CDH13: variants seen among roughly 807,000 people sequenced by gnomAD.
CDH13 encodes cadherin-13.
In CDH13, 24 loss-of-function variants were observed where a neutral mutation model predicts 63.8. That is an observed-to-expected ratio of 0.38 (90% confidence interval 0.27 to 0.53). The LOEUF (loss-of-function observed/expected upper bound fraction) is 0.53, where lower values mean the gene tolerates loss of function less well. Ranked by LOEUF, CDH13 falls within the 20% of genes least tolerant of loss-of-function variation. CDH13 has a pLI of 0.85. For missense variants in CDH13, 1,049 were observed against 903.1 expected, an observed-to-expected ratio of 1.16 and a Z score of -2.07; for synonymous variants, 503 against 355.3, an observed-to-expected ratio of 1.42 and a Z score of -4.67.
chr16:82,637,500 G>A (rs1030567132), intron 1 of CDH13: 2 of 145,918 alleles, frequency 1.4e-5, no homozygotes, highest in African/African-American at 5.1e-5. Context: ...GCGCGATCTC[G>A]GCTCACTGCA....
rs114784290 is a variant in CDH13, at chr16:82,681,696, C to T, written c.45+54559C>T. Among the ~76,000 whole-genome samples, 412 of 152,334 alleles carry T rather than the reference C, an allele frequency of 2.7e-3. 1 individual carries two copies. The highest frequency in any genetic ancestry group is 0.01 in the Middle Eastern group (3 of 294). ...TGCCAGCTCAGCTTCCAGTAGCCAG[C>T]GCCTGCCTGTGTTTCTCTGCCTGAG... On this transcript the variant is annotated intron_variant, in intron 1 of 13. Transcript: ENST00000567109.
chr16:83,684,874 G>T (rs895735418), intron 10 of CDH13, among the ~76,000 whole-genome samples: 1 of 152,120 alleles, frequency 6.6e-6, no homozygotes, highest in African/African-American at 2.4e-5. Context: ...CAGAGCAGAC[G>T]GAAGTTGATT....
At chr16:83,014,419 A>G (rs1914477777) in intron 2 of CDH13, among the ~76,000 whole-genome samples, 1 of 151,310 alleles carries the variant, frequency 6.6e-6, no homozygotes, top group South Asian at 2.1e-4. Context: ...CTACTTAAAT[A>G]TATGTATAAA....
chr16:83,347,398 G>T (rs971994109), intron 6 of CDH13, among the ~76,000 whole-genome samples: 9 of 152,002 alleles, frequency 5.9e-5, no homozygotes, highest in Admixed American at 5.9e-4. Context: ...GGCTGACTCT[G>T]GAAAGAGTTC....
intron 2 of CDH13, among the ~76,000 whole-genome samples, chr16:82,869,737 G>A (rs1035187559): frequency 6.6e-6 from 1 of 152,146 alleles, no homozygotes; most frequent in African/African-American, 2.4e-5. Context: ...GGAAAGGACA[G>A]TCTTTTCAAT....
At chr16:83,224,182 C>T (rs1025158790) in intron 5 of CDH13, among the ~76,000 whole-genome samples, 84 of 152,334 alleles carry the variant, frequency 5.5e-4, no homozygotes, top group African/African-American at 2.0e-3. Context: ...CTCCTTTTGA[C>T]GGCTGAGTAC....
intron 1 of CDH13, among the ~76,000 whole-genome samples, chr16:82,676,843 T>C (rs1270688891): frequency 6.6e-6 from 1 of 151,462 alleles, no homozygotes; most frequent in East Asian, 1.9e-4. Context: ...CAAAGGTATT[T>C]ACACAGTTTT....
intron 5 of CDH13, among the ~76,000 whole-genome samples, chr16:83,340,085 C>G (rs1457125229): frequency 6.6e-6 from 1 of 152,166 alleles, no homozygotes; most frequent in Admixed American, 6.5e-5. Context: ...TTGTTTTCTG[C>G]AATGTTTCAC....
intron 5 of CDH13, among the ~76,000 whole-genome samples, chr16:83,246,988 G>A (rs1314133105): frequency 2.0e-5 from 3 of 152,194 alleles, no homozygotes; most frequent in South Asian, 2.1e-4. Flanking sequence ...TTCAGCATCC[G>A]GGGTAGATGC....
chr16:83,619,604 C>T (rs915175241), intron 8 of CDH13, among the ~76,000 whole-genome samples: 11 of 152,220 alleles, frequency 7.2e-5, no homozygotes, highest in Non-Finnish European at 1.5e-4. Flanking sequence ...AACCTTTGTG[C>T]TCCTGGGCTT....
At chr16:82,921,961 A>G (rs1465588543) in intron 2 of CDH13, among the ~76,000 whole-genome samples, 4 of 152,126 alleles carry the variant, frequency 2.6e-5, no homozygotes, top group Non-Finnish European at 5.9e-5. Flanking sequence ...TCTGCTATTA[A>G]GATTTTTAAT....
chr16:82,865,780 C>T (rs72807851), intron 2 of CDH13, among the ~76,000 whole-genome samples: 18,543 of 152,266 alleles, frequency 0.12, 1,180 homozygotes, highest in Admixed American at 0.19. Context: ...ATTTCTGTAG[C>T]TGGCTTGAAT....
intron 7 of CDH13, among the ~76,000 whole-genome samples, chr16:83,531,012 C>T (rs960378683): frequency 1.3e-5 from 2 of 152,200 alleles, no homozygotes; most frequent in East Asian, 1.9e-4. Flanking sequence ...AGGGGGAATG[C>T]TGGCAGTGTG....
At chr16:82,729,361 C>A (rs1323788210) in intron 1 of CDH13, among the ~76,000 whole-genome samples, 1 of 152,164 alleles carries the variant, frequency 6.6e-6, no homozygotes, top group Non-Finnish European at 1.5e-5. Flanking sequence ...GTTGAAGTCA[C>A]TTCTAGATCC....
At chr16:83,150,731 C>G (rs139032111) in intron 4 of CDH13, among the ~76,000 whole-genome samples, 13 of 152,262 alleles carry the variant, frequency 8.5e-5, no homozygotes, top group African/African-American at 2.9e-4. Context: ...GACAAAAGTT[C>G]CCATTTCTGT....
At chr16:83,507,129 C>T (rs2074416766) in intron 7 of CDH13, among the ~76,000 whole-genome samples, 1 of 152,214 alleles carries the variant, frequency 6.6e-6, no homozygotes, top group South Asian at 2.1e-4. Context: ...AGCAGCCCCT[C>T]CTCTGTGGAC....
intron 6 of CDH13, among the ~76,000 whole-genome samples, chr16:83,451,228 T>A (rs573493335): frequency 6.6e-6 from 1 of 152,264 alleles, no homozygotes; most frequent in African/African-American, 2.4e-5. Context: ...GACTCACAGT[T>A]CCACATGGCT....
chr16:83,334,718 A>G (rs2090555515), intron 5 of CDH13, among the ~76,000 whole-genome samples: 1 of 152,030 alleles, frequency 6.6e-6, no homozygotes, highest in South Asian at 2.1e-4. Flanking sequence ...CCTTAATTCC[A>G]TTGGCAACCT....
intron 6 of CDH13, among the ~76,000 whole-genome samples, chr16:83,413,608 G>A (rs1236105514): frequency 6.6e-6 from 1 of 152,192 alleles, no homozygotes; most frequent in Non-Finnish European, 1.5e-5. Flanking sequence ...AAGAGAAATA[G>A]TGTCCTAATC....
Sources: gnomAD v4.1 joint callset for allele counts (sites outside exome capture counted in the v4.1 genomes callset) on GRCh38, gnomAD v4.1.1 for gene constraint, MANE v1.5 for transcripts, NCBI Gene and HGNC (gene_info 2026-07-23, HGNC 2026-07-21) for gene names.